ANKRD28: variants seen among roughly 807,000 people sequenced by gnomAD.
ANKRD28 encodes the protein ankyrin repeat domain 28.
Under a neutral mutation model 126.5 loss-of-function variants are expected in ANKRD28, and 44 were observed. That is an observed-to-expected ratio of 0.35 (90% CI 0.27 to 0.45). The LOEUF is 0.45. Among genes scored for constraint, ANKRD28 ranks in the 20% least tolerant of loss-of-function variants. The pLI is 1.00. For synonymous variants in ANKRD28, 442 were observed against 468.5 expected, an observed-to-expected ratio of 0.94 and a Z score of 0.73; for missense variants, 1,110 against 1,316.6, an observed-to-expected ratio of 0.84 and a Z score of 2.43.
At chr3:15,714,212 T>G (rs1016784186) in intron 9 of ANKRD28, among the ~76,000 whole-genome samples, 1 of 152,106 alleles carries the variant, frequency 6.6e-6, no homozygotes, top group African/African-American at 2.4e-5. Flanking sequence ...TGAAAATAGT[T>G]GCAGATACTC....
chr3:15,795,373 T>C (rs2060229700), intron 1 of ANKRD28, 67 bp from the exon 2 acceptor site: 20 of 1,136,984 alleles, frequency 1.8e-5, no homozygotes, highest in Non-Finnish European at 2.5e-5. Context: ...ATATTTTACA[T>C]AGTTCTGGAA....
At chr3:15,680,924 C>T (rs564865677) in intron 21 of ANKRD28, among the ~76,000 whole-genome samples, 7 of 152,310 alleles carry the variant, frequency 4.6e-5, no homozygotes, top group Admixed American at 4.6e-4. Context: ...GCCTCAGCCT[C>T]CTAAAATGCT....
chr3:15,770,869 T>C (rs867416816), intron 2 of ANKRD28, among the ~76,000 whole-genome samples: 1 of 152,200 alleles, frequency 6.6e-6, no homozygotes, highest in East Asian at 1.9e-4. Flanking sequence ...GTAGTAACTA[T>C]GTAGAATGGT....
At chr3:15,850,199 AAAAAAATAT>A (rs2061610245) in intron 1 of ANKRD28, among the ~76,000 whole-genome samples, 1 of 58,364 alleles carries the variant, frequency 1.7e-5, no homozygotes, top group East Asian at 5.2e-4. Flanking sequence ...ATAAAAAAAA[AAAAAAATAT>A]ATATATATAT....
At chr3:15,777,288 A>C (rs978165571) in intron 2 of ANKRD28, among the ~76,000 whole-genome samples, 1 of 148,474 alleles carries the variant, frequency 6.7e-6, no homozygotes, top group Non-Finnish European at 1.5e-5. Flanking sequence ...AAAAAAAAAA[A>C]GAAAAAAAAG....
chr3:15,805,064 A>G (rs1266222274), intron 1 of ANKRD28, among the ~76,000 whole-genome samples: 1 of 145,502 alleles, frequency 6.9e-6, no homozygotes, highest in African/African-American at 2.6e-5. Flanking sequence ...TTTTCCAAGT[A>G]AGTGTAGATT....
At chr3:15,674,196 A>AAAAAAAAT (rs1470515364) in intron 27 of ANKRD28, among the ~76,000 whole-genome samples, 1 of 130,170 alleles carries the variant, frequency 7.7e-6, no homozygotes, top group Admixed American at 7.8e-5. Context: ...AAAAAAAAAA[A>AAAAAAAAT]AAGAAGAAGA....
rs531257882 is a variant in ANKRD28, at chr3:15,838,910, A to G, written c.27+20467T>C. 2.0e-5 allele frequency among the ~76,000 whole-genome samples: 3 copies of G among 152,358 alleles called. No homozygotes were observed. Among genetic ancestry groups the G allele is most frequent in the Admixed American group, 6.5e-5 (1 of 15,310 alleles). On this transcript the variant is annotated intron_variant, in intron 1 of 27. Coordinates refer to the ANKRD28 transcript ENST00000399451. This position sits in a 1 kb window ranked among gnomAD's most constrained non-coding sequence, Gnocchi z 4.0. ...TAAACAATATGTGATATATCCATAC[A>G]ATGGAATACTATTCAGCAACGAAGA...
chr3:15,806,199 C>T (rs181703817), intron 1 of ANKRD28, among the ~76,000 whole-genome samples: 2 of 152,258 alleles, frequency 1.3e-5, no homozygotes, highest in Admixed American at 1.3e-4. Flanking sequence ...TTTTAAAAAG[C>T]CATGCTTGTA....
rs1387350050 is a variant in ANKRD28, at chr3:15,685,936, A to G, written c.2169+66T>C. On this transcript the variant is annotated intron_variant, in intron 20 of 27. Coordinates refer to ENST00000683139, the MANE Select transcript of ANKRD28 (RefSeq NM_001349278.2). The stretch of plus-strand genomic sequence containing the variant: ...AATGAAGAAAAAATAAACATAACCT[A>G]GTTCAGTTCTAGGTAATATGAGGTC... 3 of 1,173,076 alleles carry G rather than the reference A, an allele frequency of 2.6e-6. No individual in the cohort carries two copies. The Admixed American group carries it at 6.1e-5, about 24-fold the overall frequency. 72.7% of individuals were successfully genotyped at this position (1,173,076 alleles called of 1,614,324 possible).
At position 15,677,557 on chromosome 3, in the gene ANKRD28, G is replaced by A; in HGVS notation, c.2713C>T (p.Leu905=). The A allele has an allele frequency of 6.2e-7, 1 of 1,608,718 alleles. No homozygotes were observed. Among genetic ancestry groups the A allele is most frequent in the East Asian group, 2.2e-5 (1 of 44,776 alleles). The part of the protein sequence containing the change: ...ENGQTNTVEM[L]VSSASAELTL... ...AGTTCTGCACTAGCACTGCTAACCA[G>A]CATCTCTGGGAGGAAAAAGTGCATC... is the stretch of plus-strand genomic sequence containing the variant. Residue 905 remains leucine, a synonymous_variant, in exon 25 of 28, where the codon CTG becomes TTG. Coordinates refer to ENST00000683139, the MANE Select transcript of ANKRD28 (RefSeq NM_001349278.2).
chr3:15,766,581 A>G (rs57973249), intron 2 of ANKRD28, among the ~76,000 whole-genome samples: 20,303 of 152,066 alleles, frequency 0.13, 2,055 homozygotes, highest in East Asian at 0.56. Context: ...CAGCTAGGAG[A>G]ATCACTTGAG....
At chr3:15,718,833 C>T (rs2455838) in intron 8 of ANKRD28, among the ~76,000 whole-genome samples, 101,753 of 152,108 alleles carry the variant, frequency 0.67, 34,550 homozygotes, top group East Asian at 0.91. Context: ...TTGAAAATGT[C>T]AAGATTAATT....
chr3:15,743,060 T>G (rs1371683074), intron 4 of ANKRD28, among the ~76,000 whole-genome samples: 1 of 152,142 alleles, frequency 6.6e-6, no homozygotes, highest in Non-Finnish European at 1.5e-5. Flanking sequence ...GTGATCCTGT[T>G]GATCGGTGAC....
At chr3:15,677,992 C>T (rs1346337219) in intron 24 of ANKRD28, among the ~76,000 whole-genome samples, 1 of 152,106 alleles carries the variant, frequency 6.6e-6, no homozygotes, top group African/African-American at 2.4e-5. Context: ...TGTTCTTAAC[C>T]ACTATGTTAT....
At position 15,776,330 on chromosome 3, in the gene ANKRD28, T is replaced by A. The variant is rs575276367; in HGVS notation, c.202-10018A>T. Among the ~76,000 whole-genome samples, 6 of 152,280 alleles carry A rather than the reference T, an allele frequency of 3.9e-5. No homozygotes were observed. In the East Asian group the frequency reaches 1.2e-3, roughly 29 times the overall value. On this transcript the variant is annotated intron_variant, in intron 2 of 27. Transcript: ENST00000683139. The stretch of plus-strand genomic sequence containing the variant: ...GTGCATCAGAAGACAAGTTTACAAA[T>A]AGCTGCATCATTCAAAATAGAAAAA...
chr3:15,823,929 T>C (rs1559575521), intron 1 of ANKRD28, among the ~76,000 whole-genome samples: 2 of 150,456 alleles, frequency 1.3e-5, no homozygotes, highest in Non-Finnish European at 1.5e-5. Flanking sequence ...AGATCGTTTA[T>C]TTAAAAACCC....
intron 1 of ANKRD28, among the ~76,000 whole-genome samples, chr3:15,855,122 G>C (rs528253334): frequency 6.6e-6 from 1 of 152,160 alleles, no homozygotes; most frequent in African/African-American, 2.4e-5. Context: ...CTGGGCATCA[G>C]TGTTCTTCTT....
intron 6 of ANKRD28, among the ~76,000 whole-genome samples, chr3:15,729,173 T>C (rs1472932978): frequency 1.3e-5 from 2 of 152,234 alleles, no homozygotes; most frequent in Non-Finnish European, 2.9e-5. Context: ...AAGGGGGCCA[T>C]GTATCTGGAA....
Sources: gnomAD v4.1 joint callset for allele counts (sites outside exome capture counted in the v4.1 genomes callset) on GRCh38, gnomAD v4.1.1 for gene constraint, Gnocchi (gnomAD v3.1) non-coding constraint, MANE v1.5 for transcripts, NCBI Gene and HGNC (gene_info 2026-07-23, HGNC 2026-07-21) for gene names.